NBPF9: variants seen among roughly 807,000 people sequenced by gnomAD.
The protein encoded by NBPF9 is NBPF member 9, also known as NBPF family member NBPF9.
A neutral mutation model predicts 97.8 loss-of-function variants in NBPF9; 91 were observed. The observed-to-expected ratio is 0.93, with a 90% CI of 0.79 to 1.11. The LOEUF (loss-of-function observed/expected upper bound fraction) is 1.11, where lower values mean the gene tolerates loss of function less well. Ranked by LOEUF, NBPF9 falls within the 50% of genes least tolerant of loss-of-function variation. The pLI, the probability that NBPF9 is intolerant of heterozygous loss-of-function variation, is 0.00. For synonymous variants in NBPF9, 334 were observed against 359.5 expected (o/e 0.93, Z 0.80); for missense variants, 992 against 939.5 (o/e 1.06, Z -0.73).
intron 5 of NBPF9, among the ~76,000 whole-genome samples, chr1:149,085,750 T>C (rs1425977667): frequency 6.6e-6 from 1 of 151,314 alleles, no homozygotes; most frequent in Non-Finnish European, 1.5e-5. Flanking sequence ...ATTAAGATGA[T>C]GAAAACAACT....
At chr1:149,095,635 A>C (rs1325593472) in intron 4 of NBPF9, among the ~76,000 whole-genome samples, 7,627 of 148,662 alleles carry the variant, frequency 0.051, 640 homozygotes, top group East Asian at 0.46. Flanking sequence ...AAAAAAAAAA[A>C]AAAAAAGGTG....
At chr1:149,080,644 G>A (rs1553656451) in intron 7 of NBPF9, among the ~76,000 whole-genome samples, 1 of 150,714 alleles carries the variant, frequency 6.6e-6, no homozygotes, top group Non-Finnish European at 1.5e-5. Flanking sequence ...TTCAGATATG[G>A]TTTTAAGAAT....
intron 4 of NBPF9, among the ~76,000 whole-genome samples, chr1:149,093,348 G>A (rs1434194205): frequency 4.0e-5 from 6 of 151,736 alleles, no homozygotes; most frequent in African/African-American, 1.5e-4. Context: ...GGGACGAGCA[G>A]GAGACAGATG....
rs587773241 is a variant in NBPF9, at chr1:149,073,266, T to A, written c.1092-334A>T. 8.3e-5 allele frequency among the ~76,000 whole-genome samples: 12 copies of A among 143,780 alleles called. 1 individual carries two copies. Among genetic ancestry groups the A allele is most frequent in the Admixed American group, 7.1e-5 (1 of 14,094 alleles). The allele number at this position is 143,780 out of a possible 152,430, so 94.3% of individuals were successfully genotyped here. A position where few individuals can be genotyped will look rare whatever the true frequency, so the allele number is the denominator to read the frequency against. ...GGACATTTCCATGTGAAAATACACA[T>A]AGTGCATCTTGCGGCCACTAGATAC... On this transcript the variant is annotated intron_variant, in intron 13 of 29. Coordinates refer to ENST00000584027, the Ensembl canonical transcript of NBPF9.
At chr1:149,079,211 C>G (rs782662278) in exon 9 of NBPF9, 9 of 866,882 alleles carry the variant, frequency 1.0e-5, no homozygotes, top group Non-Finnish European at 1.6e-5. Flanking sequence ...TGAACCAGGA[C>G]TTTATATTGC....
chr1:149,062,592 G>T (rs1446989173), intron 21 of NBPF9, among the ~76,000 whole-genome samples: 5 of 137,756 alleles, frequency 3.6e-5, no homozygotes, highest in African/African-American at 1.3e-4. Context: ...AAAAGAGTGG[G>T]CTCAATAATT....
rs78376309 is a variant in NBPF9, at chr1:149,055,956, C to G, written c.3093-57G>C. ...CAGGGAAAATCAGACACCACAGAGC[C>G]CCACTAGATTTCAGAAGTAACATAA... is the stretch of plus-strand genomic sequence containing the variant. On this transcript the variant is annotated intron_variant, in intron 29 of 29. Transcript: ENST00000584027. 13 of 1,611,502 alleles carry G rather than the reference C, an allele frequency of 8.1e-6. No homozygotes were observed. In the African/African-American group the frequency reaches 1.5e-4, roughly 18 times the overall value.
intron 8 of NBPF9, 64 bp from the exon 9 acceptor site, chr1:149,079,285 C>G (rs1575850253): frequency 1.3e-5 from 16 of 1,279,488 alleles, no homozygotes; most frequent in Admixed American, 3.4e-5. Context: ...TCAAATATTG[C>G]AACAGAGACT....
intron 25 of NBPF9, chr1:149,059,383 C>G (rs2078453957): frequency 2.3e-6 from 1 of 429,788 alleles, no homozygotes; most frequent in Admixed American, 3.9e-5. Flanking sequence ...TGAGTTCGTG[C>G]CCTCATGACA....
intron 12 of NBPF9, among the ~76,000 whole-genome samples, chr1:149,075,117 C>T (rs1372999687): frequency 2.0e-5 from 3 of 151,424 alleles, no homozygotes; most frequent in African/African-American, 7.3e-5. Flanking sequence ...GCCCCTACTC[C>T]CTGCTCTTGA....
intron 9 of NBPF9, among the ~76,000 whole-genome samples, chr1:149,078,331 A>T (rs1553655267): frequency 1.1e-4 from 12 of 111,308 alleles, no homozygotes; most frequent in African/African-American, 3.0e-4. Context: ...TTCTCTTAGG[A>T]GAGGACAAAC....
chr1:149,064,252 T>G, intron 19 of NBPF9, among the ~76,000 whole-genome samples, 179 bp downstream of exon 19: 1 of 137,388 alleles, frequency 7.3e-6, no homozygotes, highest in South Asian at 2.4e-4. Flanking sequence ...ATGATAAGGG[T>G]AGGAAGAAAT....
At position 149,082,845 on chromosome 1, in the gene NBPF9, T is replaced by C. The variant is rs1272471971; in HGVS notation, c.-194-415A>G. Among the ~76,000 whole-genome samples, 7 of 148,562 alleles carry C rather than the reference T, an allele frequency of 4.7e-5. No individual in the cohort carries two copies. The East Asian group carries it at 1.2e-3, about 25-fold the overall frequency. On this transcript the variant is annotated intron_variant, in intron 5 of 29. Transcript: ENST00000584027. The stretch of plus-strand genomic sequence containing the variant: ...CCCAGGCTGGAGTGCAGTGACGCGA[T>C]CTAGGCTCACTGCAAGCTCTGCCTC...
chr1:149,077,784 T>C (rs2080026476), intron 10 of NBPF9, 99 bp downstream of exon 10: 2 of 1,528,068 alleles, frequency 1.3e-6, no homozygotes, highest in Non-Finnish European at 1.8e-6. Context: ...GCCAAGGGGA[T>C]GCGGGCTTTT....
chr1:149,090,612 G>C, intron 5 of NBPF9, 141 bp downstream of exon 5: 1 of 623,372 alleles, frequency 1.6e-6, no homozygotes. Context: ...TTCAACAAGG[G>C]ACATCATCAT....
At chr1:149,059,067 C>T (rs1197459527) in exon 26 of NBPF9, 1 of 425,772 alleles carries the variant, frequency 2.3e-6, no homozygotes, top group Admixed American at 4.1e-5. Context: ...AGACTTCAGG[C>T]TCTTTCTCAT....
chr1:149,079,369 A>G (rs2080202950), intron 8 of NBPF9, 148 bp from the exon 9 acceptor site: 1 of 799,452 alleles, frequency 1.3e-6, no homozygotes, highest in African/African-American at 1.7e-5. Context: ...TGTGGCCAAG[A>G]GAAAGAATAG....
intron 11 of NBPF9, among the ~76,000 whole-genome samples, chr1:149,076,365 T>C (rs1230727251): frequency 1.3e-5 from 2 of 150,924 alleles, no homozygotes; most frequent in African/African-American, 4.9e-5. Flanking sequence ...GCCAGCTAAT[T>C]TTTGTATTTT....
In NBPF9 at chr1:149,060,299, C is replaced by T. The variant is rs1184208403; in HGVS notation, c.2476+224G>A. 526 of 380,012 alleles carry T rather than the reference C, an allele frequency of 1.4e-3. 159 individuals are homozygous for T. The highest frequency in any genetic ancestry group is 9.7e-3 in the South Asian group (353 of 36,428). The allele number at this position is 380,012 out of a possible 1,614,324, so 23.5% of individuals were successfully genotyped here. ...CAATGTCATGAGGATAGGATCAGGG[C>T]GCCACAGGTATGGCCTGAGACTAGG... is the stretch of plus-strand genomic sequence containing the variant. On this transcript the variant is annotated intron_variant, in intron 24 of 29. Transcript: ENST00000584027.
Sources: allele counts gnomAD v4.1 joint callset (sites outside exome capture counted in the v4.1 genomes callset), GRCh38; gene constraint gnomAD v4.1.1; transcripts MANE v1.5; gene names NCBI Gene and HGNC (gene_info 2026-07-23, HGNC 2026-07-21).